The following AFF4 variants were observed in gnomAD, a reference collection of about 807,000 sequenced individuals.
The protein encoded by AFF4 is AF4/FMR2 family member 4.
A neutral mutation model predicts 124.8 loss-of-function variants in AFF4; 13 were observed. The ratio of observed to expected loss-of-function variants is 0.10; its 90% CI spans 0.07 to 0.17. The LOEUF (loss-of-function observed/expected upper bound fraction) is 0.17. AFF4 is among the 10% of genes least tolerant of loss of function. AFF4 has a pLI of 1.00. For synonymous variants in AFF4, 477 were observed against 496.1 expected, an observed-to-expected ratio of 0.96 and a Z score of 0.51; for missense variants, 1,092 against 1,403.8, an observed-to-expected ratio of 0.78 and a Z score of 3.55.
chr5:132,947,553 T>C (rs761852604), intron 1 of AFF4, among the ~76,000 whole-genome samples: 1 of 152,182 alleles, frequency 6.6e-6, no homozygotes, highest in Non-Finnish European at 1.5e-5. Flanking sequence ...ACAGAGTCAT[T>C]CAACTATAAG....
intron 1 of AFF4, among the ~76,000 whole-genome samples, chr5:132,940,748 C>T (rs1478719357): frequency 6.6e-6 from 1 of 152,082 alleles, no homozygotes; most frequent in Non-Finnish European, 1.5e-5. Context: ...ATAATTAGGT[C>T]GGGTGCTGTG....
At chr5:132,940,131 C>T (rs933375676) in intron 1 of AFF4, among the ~76,000 whole-genome samples, 5 of 151,930 alleles carry the variant, frequency 3.3e-5, no homozygotes, top group African/African-American at 7.3e-5. Context: ...ACCTGGGAGG[C>T]GGAGGTTGCA....
intron 2 of AFF4, 29 bp from the exon 3 acceptor site, chr5:132,934,970 A>T (rs780662949): frequency 9.4e-5 from 136 of 1,452,592 alleles, no homozygotes; most frequent in Admixed American, 2.6e-4. Flanking sequence ...AAATAAAATT[A>T]TAAAATGAGC....
chr5:132,959,545 A>C (rs1762033996), intron 1 of AFF4, among the ~76,000 whole-genome samples: 1 of 152,118 alleles, frequency 6.6e-6, no homozygotes, highest in Non-Finnish European at 1.5e-5. Context: ...TTGAATTTGG[A>C]GGTTCTAATA....
intron 5 of AFF4, among the ~76,000 whole-genome samples, chr5:132,925,171 T>C (rs1761140356): frequency 6.7e-6 from 1 of 149,478 alleles, no homozygotes; most frequent in Non-Finnish European, 1.5e-5. Flanking sequence ...GGAGACTCCA[T>C]CTCAGAAAAA....
intron 1 of AFF4, among the ~76,000 whole-genome samples, chr5:132,954,193 G>A (rs1435891649): frequency 1.3e-5 from 2 of 152,116 alleles, no homozygotes; most frequent in African/African-American, 2.4e-5. Flanking sequence ...CAGGGGTTGC[G>A]GGGAGATGAT....
intron 1 of AFF4, among the ~76,000 whole-genome samples, chr5:132,938,796 A>G (rs1761494469): frequency 6.6e-6 from 1 of 151,584 alleles, no homozygotes; most frequent in Non-Finnish European, 1.5e-5. Flanking sequence ...ACAAAAAATT[A>G]GCCAGGTGCA....
At chr5:132,949,716 G>A (rs1227357749) in intron 1 of AFF4, among the ~76,000 whole-genome samples, 1 of 151,510 alleles carries the variant, frequency 6.6e-6, no homozygotes, top group African/African-American at 2.4e-5. Context: ...GCGCGCGCGC[G>A]CCAGGCGTGA....
intron 5 of AFF4, among the ~76,000 whole-genome samples, chr5:132,906,152 C>T (rs900959845): frequency 3.1e-4 from 47 of 152,234 alleles, no homozygotes; most frequent in African/African-American, 1.1e-3. Flanking sequence ...GAAATCAGAA[C>T]CCTGGTAAGA....
chr5:132,881,755 C>T (rs1022965337), intron 20 of AFF4, among the ~76,000 whole-genome samples: 27 of 151,884 alleles, frequency 1.8e-4, no homozygotes, highest in African/African-American at 6.3e-4. Context: ...GGCGCGATCT[C>T]GGTTCACTGC....
rs1265367527 is a variant in AFF4, at chr5:132,879,626, A to C, written c.*1433T>G. On this transcript the variant is annotated 3_prime_UTR_variant, in exon 21 of 21. Transcript: ENST00000265343. The stretch of plus-strand genomic sequence containing the variant: ...AACAATCCATAGAGTCTTCATTTAA[A>C]GGTAAGATTTAAGGCACACCAAACA... The C allele has an allele frequency of 1.4e-5, 3 of 208,816 alleles. No homozygotes were observed. Among genetic ancestry groups the C allele is most frequent in the East Asian group, 1.5e-4 (2 of 13,698 alleles). The allele number at this position is 208,816 out of a possible 1,614,324, so 12.9% of individuals were successfully genotyped here.
In AFF4 at chr5:132,878,615, AT is replaced by A; in HGVS notation, c.*2443del. 1 of 229,176 alleles carries A rather than the reference AT, an allele frequency of 4.4e-6. No homozygotes were observed. 14.2% of individuals were successfully genotyped at this position (229,176 alleles called of 1,614,324 possible). ...ACACTATGACATTGAAAATTCAATC[AT>A]TTATGATAGGATTTTGATCCATTGC... is the stretch of plus-strand genomic sequence containing the variant. On this transcript the variant is annotated 3_prime_UTR_variant, in exon 21 of 21. Transcript: ENST00000265343.
At chr5:132,892,711 T>G (rs1037275118) in intron 12 of AFF4, among the ~76,000 whole-genome samples, 1 of 152,200 alleles carries the variant, frequency 6.6e-6, no homozygotes, top group Admixed American at 6.5e-5. Context: ...CACTTTTAAG[T>G]TGGCAACCAG....
At chr5:132,940,366 C>T (rs887774348) in intron 1 of AFF4, among the ~76,000 whole-genome samples, 2 of 145,828 alleles carry the variant, frequency 1.4e-5, no homozygotes, top group Admixed American at 6.9e-5. Context: ...CCGGGCGTGG[C>T]GGTGGGCGCC....
chr5:132,884,042 CAA>C (rs755899886), intron 19 of AFF4, among the ~76,000 whole-genome samples: 4 of 152,178 alleles, frequency 2.6e-5, no homozygotes, highest in Non-Finnish European at 5.9e-5. Flanking sequence ...TCAGAGGTAA[CAA>C]AGAGGTACAG....
chr5:132,922,465 T>A (rs1031931084), intron 5 of AFF4, among the ~76,000 whole-genome samples: 2 of 151,954 alleles, frequency 1.3e-5, no homozygotes, highest in Non-Finnish European at 2.9e-5. Flanking sequence ...TACACAAATA[T>A]TCACATCAGC....
At chr5:132,960,979 T>G (rs1402825423) in intron 1 of AFF4, among the ~76,000 whole-genome samples, 2 of 152,034 alleles carry the variant, frequency 1.3e-5, no homozygotes, top group Non-Finnish European at 2.9e-5. Context: ...TCCCAACACT[T>G]TGGGGAGGCC....
rs376191782 is a variant in AFF4, at chr5:132,911,763, C to T, written c.1051-7359G>A. On this transcript the variant is annotated intron_variant, in intron 5 of 20. Transcript: ENST00000265343. Reference sequence around the variant, plus strand: ...CAAGAAGCTGAACAAACCTCAAGCACGAGAAAGATAAAGAGAACTACAGGA... The same window carrying T: ...CAAGAAGCTGAACAAACCTCAAGCATGAGAAAGATAAAGAGAACTACAGGA... Among the ~76,000 whole-genome samples the T allele has an allele frequency of 4.8e-5, 7 of 145,374 alleles. No homozygotes were observed. In the East Asian group the frequency reaches 1.0e-3, roughly 21 times the overall value.
In AFF4 at chr5:132,933,048, T is replaced by C. The variant is rs576207618; in HGVS notation, c.919-826A>G. ...CATTTTGAGCTAAGAGTTGTAATTTTTTGGCTACTGACGTCACTTTCCAAA... is the reference window on the plus strand; with the variant it reads ...CATTTTGAGCTAAGAGTTGTAATTTCTTGGCTACTGACGTCACTTTCCAAA... On this transcript the variant is annotated intron_variant, in intron 3 of 20. Coordinates refer to ENST00000265343, the MANE Select transcript of AFF4 (RefSeq NM_014423.4). Among the ~76,000 whole-genome samples, 4 of 152,342 alleles carry C rather than the reference T, an allele frequency of 2.6e-5. No homozygotes were observed. In the East Asian group the frequency reaches 7.7e-4, roughly 29 times the overall value.
Sources: gnomAD v4.1 joint callset for allele counts (sites outside exome capture counted in the v4.1 genomes callset) on GRCh38, gnomAD v4.1.1 for gene constraint, MANE v1.5 for transcripts, NCBI Gene and HGNC (gene_info 2026-07-23, HGNC 2026-07-21) for gene names.